Variants in MANSC4 observed in about 807,000 individuals in gnomAD.
The protein encoded by MANSC4 is MANSC domain-containing protein 4.
A neutral mutation model predicts 11.4 loss-of-function variants in MANSC4; 11 were observed. That is an observed-to-expected ratio of 0.97 (90% CI 0.61 to 1.60). MANSC4 has a LOEUF of 1.60. Among genes scored for constraint, MANSC4 ranks in the 40% most tolerant of loss-of-function variants. MANSC4 has a pLI of 0.00. For missense variants in MANSC4, 354 were observed against 404.6 expected (o/e 0.88, Z 1.07); for synonymous variants, 123 against 147.1 (o/e 0.84, Z 1.19).
At chr12:27,776,755 A>G (rs2062121232) in intron 1 of MANSC4, among the ~76,000 whole-genome samples, 1 of 152,188 alleles carries the variant, frequency 6.6e-6, no homozygotes. Flanking sequence ...CCCTGTCTAA[A>G]AAAATAAAAA....
At chr12:27,778,066 A>G (rs1389449117) in intron 1 of MANSC4, among the ~76,000 whole-genome samples, 2 of 151,972 alleles carry the variant, frequency 1.3e-5, no homozygotes, top group African/African-American at 4.8e-5. Context: ...TCTCTACTAA[A>G]AATACAAAAT....
At chr12:27,773,195 AGCCCT>A (rs2062107237) in intron 1 of MANSC4, among the ~76,000 whole-genome samples, 1 of 152,178 alleles carries the variant, frequency 6.6e-6, no homozygotes, top group Non-Finnish European at 1.5e-5. Flanking sequence ...AACTAACTAA[AGCCCT>A]GCAGGGGCTG....
At chr12:27,765,321 C>T (rs1392548269) in intron 3 of MANSC4, among the ~76,000 whole-genome samples, 1 of 152,170 alleles carries the variant, frequency 6.6e-6, no homozygotes, top group Non-Finnish European at 1.5e-5. Flanking sequence ...TATAATTTTC[C>T]TGGACTAGGA....
At position 27,780,167 on chromosome 12, in the gene MANSC4, G is replaced by A. The variant is rs1344825793; in HGVS notation, c.-307+43C>T. The A allele has an allele frequency of 9.0e-6, 3 of 333,092 alleles. No homozygotes were observed. The highest frequency in any genetic ancestry group is 1.5e-5 in the Non-Finnish European group (3 of 205,468). 20.6% of individuals were successfully genotyped at this position (333,092 alleles called of 1,614,324 possible). On this transcript the variant is annotated intron_variant, in intron 1 of 3. Coordinates refer to ENST00000381273, the MANE Select transcript of MANSC4 (RefSeq NM_001146221.5). This position sits in a 1 kb window ranked among gnomAD's most constrained non-coding sequence, Gnocchi z 8.8. ...GCCTCGCGGGAGCGGGCCCCGGGAG[G>A]AGGGGCCGCCGGAGAGGCCGGGCGA...
Position 27,771,197 on chromosome 12 carries a change from G to T in MANSC4, c.80C>A (p.Thr27Lys), listed in dbSNP as rs752647725. 6.4e-7 allele frequency: 1 copy of T among 1,552,066 alleles called. No individual in the cohort carries two copies. The highest frequency in any genetic ancestry group is 1.2e-5 in the South Asian group (1 of 84,062). Residue 27 changes from threonine to lysine, a missense_variant, in exon 2 of 4, where the codon ACA becomes AAA. By Grantham distance (78) the Thr-to-Lys change is moderately conservative. Coordinates refer to ENST00000381273, the MANE Select transcript of MANSC4 (RefSeq NM_001146221.5). ...GWTSDSLCSP[T>K]IFYRDCWIRR... is the part of the protein sequence containing the mutation. ...GATCCAGCAGTCTCTGTAAAAAATT[G>T]TGGGTGAGCAGAGAGAGTCTGATGT...
chr12:27,763,170 T>C lies in MANSC4; in HGVS notation c.591A>G (p.Thr197=), dbSNP rs1373460024. ...GGGAAGTAAATCTTGCCCAAAAATCTGTGGTTAATTCCTTAGAATAACTGG... is the reference window on the plus strand; with the variant it reads ...GGGAAGTAAATCTTGCCCAAAAATCCGTGGTTAATTCCTTAGAATAACTGG... ...NSTSYSKELT[T]DFWARFTSLN... is the part of the protein sequence containing the mutation. The change falls in exon 4 of 4, where the codon ACA becomes ACG. Residue 197 remains threonine, a synonymous_variant. Coordinates refer to ENST00000381273, the MANE Select transcript of MANSC4 (RefSeq NM_001146221.5). 1 of 1,551,734 alleles carries C rather than the reference T, an allele frequency of 6.4e-7. No homozygotes were observed. Among genetic ancestry groups the C allele is most frequent in the East Asian group, 2.4e-5 (1 of 40,922 alleles).
At chr12:27,776,375 C>A (rs1205125949) in intron 1 of MANSC4, among the ~76,000 whole-genome samples, 15 of 152,032 alleles carry the variant, frequency 9.9e-5, no homozygotes, top group Admixed American at 7.9e-4. Flanking sequence ...ACATCTTGTA[C>A]TAAGATTTTT....
At chr12:27,776,954 TAAAGG>T (rs1186504456) in intron 1 of MANSC4, among the ~76,000 whole-genome samples, 3 of 152,134 alleles carry the variant, frequency 2.0e-5, no homozygotes, top group Non-Finnish European at 4.4e-5. Context: ...CTTTTTAAAA[TAAAGG>T]AGTTTATATT....
chr12:27,778,374 A>T (rs752670756), intron 1 of MANSC4, among the ~76,000 whole-genome samples: 1 of 152,122 alleles, frequency 6.6e-6, no homozygotes, highest in Non-Finnish European at 1.5e-5. Flanking sequence ...AATGTAACCA[A>T]ACTATGTTGA....
At chr12:27,770,207 G>A (rs2062094434) in intron 2 of MANSC4, among the ~76,000 whole-genome samples, 1 of 152,060 alleles carries the variant, frequency 6.6e-6, no homozygotes. Flanking sequence ...GAGAGAGTCA[G>A]TCTCACTCTG....
chr12:27,778,701 C>T (rs994476552), intron 1 of MANSC4, among the ~76,000 whole-genome samples: 43 of 152,192 alleles, frequency 2.8e-4, no homozygotes, highest in African/African-American at 1.0e-3. Flanking sequence ...ACACCCTCTG[C>T]TTCCTCCCAA....
At chr12:27,768,068 T>C (rs1411700124) in intron 2 of MANSC4, among the ~76,000 whole-genome samples, 1 of 152,152 alleles carries the variant, frequency 6.6e-6, no homozygotes, top group Non-Finnish European at 1.5e-5. Context: ...TATTGGCTCA[T>C]GCTGTCTTTC....
Position 27,775,010 on chromosome 12 carries a change from C to T in MANSC4, c.-306-3428G>A, listed in dbSNP as rs997987846. On this transcript the variant is annotated intron_variant, in intron 1 of 3. Transcript: ENST00000381273. Reference sequence around the variant, plus strand: ...CTGCACTCCAGCCTGGGCGACAGAGCGAGATTCCGTCTCAAAATAAATAAA... The same window carrying T: ...CTGCACTCCAGCCTGGGCGACAGAGTGAGATTCCGTCTCAAAATAAATAAA... Among the ~76,000 whole-genome samples the T allele has an allele frequency of 5.0e-4, 74 of 148,100 alleles. 1 individual carries two copies. The highest frequency in any genetic ancestry group is 2.1e-4 in the Admixed American group (3 of 14,436).
intron 1 of MANSC4, among the ~76,000 whole-genome samples, 131 bp from the exon 2 acceptor site, chr12:27,771,713 A>C (rs916873992): frequency 6.6e-6 from 1 of 152,240 alleles, no homozygotes; most frequent in African/African-American, 2.4e-5. Context: ...TATCCATTTC[A>C]TCATAAACAA....
rs372412810 is a variant in MANSC4, at chr12:27,776,863, T to C, written c.-307+3347A>G. ...AAAACTGGTTTTTATTATTCAATGA[T>C]CAGTCAATAACAGATCTATAAAATT... is the stretch of plus-strand genomic sequence containing the variant. On this transcript the variant is annotated intron_variant, in intron 1 of 3. Transcript: ENST00000381273. 7.2e-5 allele frequency among the ~76,000 whole-genome samples: 11 copies of C among 152,326 alleles called. No homozygotes were observed. In the South Asian group the frequency reaches 8.3e-4, roughly 11 times the overall value.
intron 1 of MANSC4, among the ~76,000 whole-genome samples, chr12:27,772,814 G>A (rs576401032): frequency 6.6e-5 from 10 of 152,202 alleles, no homozygotes; most frequent in Admixed American, 3.3e-4. Context: ...TATTTTATGA[G>A]ATTCCATGGC....
chr12:27,773,657 A>G (rs2062108615), intron 1 of MANSC4, among the ~76,000 whole-genome samples: 1 of 152,224 alleles, frequency 6.6e-6, no homozygotes, highest in East Asian at 1.9e-4. Flanking sequence ...TATTTTTACA[A>G]GAGTCCCAGG....
At chr12:27,767,070 C>G (rs1185858401) in intron 2 of MANSC4, among the ~76,000 whole-genome samples, 1 of 152,056 alleles carries the variant, frequency 6.6e-6, no homozygotes, top group African/African-American at 2.4e-5. Context: ...GCCTAGACCT[C>G]CCGGGTCCAA....
chr12:27,774,081 GA>G (rs1302641366), intron 1 of MANSC4, among the ~76,000 whole-genome samples: 2 of 152,114 alleles, frequency 1.3e-5, no homozygotes, highest in Non-Finnish European at 2.9e-5. Context: ...CTGGGCAGCA[GA>G]GGTTGCAGTG....
Sources: allele counts gnomAD v4.1 joint callset (sites outside exome capture counted in the v4.1 genomes callset), GRCh38; gene constraint gnomAD v4.1.1; non-coding constraint Gnocchi (gnomAD v3.1); transcripts MANE v1.5; gene names NCBI Gene and HGNC (gene_info 2026-07-23, HGNC 2026-07-21).